Variants in MVB12B observed in about 807,000 individuals in gnomAD.
MVB12B encodes the protein multivesicular body subunit 12B.
MVB12B carries 16 observed loss-of-function variants against 41.6 expected under a neutral mutation model. The ratio of observed to expected loss-of-function variants is 0.38; its 90% CI spans 0.26 to 0.58. The LOEUF is 0.58. Ranked by LOEUF, MVB12B falls within the 20% of genes least tolerant of loss-of-function variation. The probability of loss-of-function intolerance (pLI) is 0.62; values close to 1 mark genes in which losing one functional copy is unlikely to be tolerated. For missense variants in MVB12B, 274 were observed against 380.2 expected, an observed-to-expected ratio of 0.72 and a Z score of 2.32; for synonymous variants, 133 against 139.7, an observed-to-expected ratio of 0.95 and a Z score of 0.34.
In MVB12B at chr9:126,489,676, C is replaced by T. The variant is rs545520880; in HGVS notation, c.873+5644C>T. Among the ~76,000 whole-genome samples the T allele has an allele frequency of 3.3e-5, 5 of 152,348 alleles. No individual in the cohort carries two copies. The South Asian group carries it at 6.2e-4, about 19-fold the overall frequency. ...AAACGCCGTCACCCTGCTGGCTCCC[C>T]ATGACAGAGCAGTGGCCTTCTGCCT... On this transcript the variant is annotated intron_variant, in intron 9 of 9. Coordinates refer to ENST00000361171, the MANE Select transcript of MVB12B (RefSeq NM_033446.3).
In MVB12B at chr9:126,473,197, C is replaced by T. The variant is rs993792727; in HGVS notation, c.758-8172C>T. The stretch of plus-strand genomic sequence containing the variant: ...CCTTACAGACAGGGCAAGTAAGGCT[C>T]AGAGAGGTGGGGTGGCCTGTGCAAC... On this transcript the variant is annotated intron_variant, in intron 7 of 9. Coordinates refer to ENST00000361171, the MANE Select transcript of MVB12B (RefSeq NM_033446.3). This position sits in a 1 kb window ranked among gnomAD's most constrained non-coding sequence, Gnocchi z 4.0. Among the ~76,000 whole-genome samples the T allele has an allele frequency of 4.6e-5, 7 of 152,138 alleles. No individual in the cohort carries two copies. The highest frequency in any genetic ancestry group is 8.8e-5 in the Non-Finnish European group (6 of 68,026).
In MVB12B at chr9:126,505,758, ACT is replaced by A. The variant is rs1489030035; in HGVS notation, c.*2498_*2499del. ...TCGTGCAGGAGAACTGAGGCATGAA[ACT>A]CTGGCTCAAACCTAGGAATTGAGAG... On this transcript the variant is annotated 3_prime_UTR_variant, in exon 10 of 10. Coordinates refer to ENST00000361171, the MANE Select transcript of MVB12B (RefSeq NM_033446.3). 7 of 151,570 alleles carry A rather than the reference ACT, an allele frequency of 4.6e-5. No homozygotes were observed. The highest frequency in any genetic ancestry group is 1.5e-4 in the African/African-American group (6 of 41,258). 9.4% of individuals were successfully genotyped at this position (151,570 alleles called of 1,614,324 possible).
chr9:126,439,322 G>C (rs1175018580), intron 7 of MVB12B, among the ~76,000 whole-genome samples: 1 of 152,108 alleles, frequency 6.6e-6, no homozygotes, highest in East Asian at 1.9e-4. Context: ...GGGTGGGGGC[G>C]CTGGGCGCAG....
At chr9:126,404,602 G>A (rs751838593) in intron 6 of MVB12B, among the ~76,000 whole-genome samples, 6 of 152,230 alleles carry the variant, frequency 3.9e-5, no homozygotes, top group Non-Finnish European at 8.8e-5. Context: ...TGTGGGTGGG[G>A]AACTCATCCC....
At position 126,505,270 on chromosome 9, in the gene MVB12B, C is replaced by T. The variant is rs1400201376; in HGVS notation, c.*2007C>T. The stretch of plus-strand genomic sequence containing the variant: ...GCTCAGAGGCAGTGGTGTGGGAGCC[C>T]TGTCTGCAAGGACGCAGAATAAGCA... On this transcript the variant is annotated 3_prime_UTR_variant, in exon 10 of 10. Transcript: ENST00000361171. 1 of 152,332 alleles carries T rather than the reference C, an allele frequency of 6.6e-6. No individual in the cohort carries two copies. The highest frequency in any genetic ancestry group is 1.9e-4 in the East Asian group (1 of 5,172). The allele number at this position is 152,332 out of a possible 1,614,324, so 9.4% of individuals were successfully genotyped here.
intron 7 of MVB12B, among the ~76,000 whole-genome samples, chr9:126,471,936 T>C (rs571726795): frequency 1.3e-4 from 20 of 152,064 alleles, no homozygotes; most frequent in African/African-American, 4.6e-4. Flanking sequence ...TTGACAACTT[T>C]AAGCAGATAA....
At chr9:126,334,359 T>A (rs535864960) in intron 1 of MVB12B, among the ~76,000 whole-genome samples, 1 of 152,274 alleles carries the variant, frequency 6.6e-6, no homozygotes, top group Non-Finnish European at 1.5e-5. Flanking sequence ...TGGAAGTCAT[T>A]AGCATATGGG....
rs1832357608 is a variant in MVB12B, at chr9:126,432,533, T to A, written c.757+10585T>A. On this transcript the variant is annotated intron_variant, in intron 7 of 9. Transcript: ENST00000361171. ...GCATTATTAAAATGGATTAAATTAA[T>A]TAAATGAATTTACTGAATAATACCC... Among the ~76,000 whole-genome samples, 3 of 152,264 alleles carry A rather than the reference T, an allele frequency of 2.0e-5. No individual in the cohort carries two copies. The South Asian group carries it at 6.2e-4, about 32-fold the overall frequency.
intron 9 of MVB12B, among the ~76,000 whole-genome samples, chr9:126,490,541 A>G (rs1036149123): frequency 6.6e-6 from 1 of 152,196 alleles, no homozygotes; most frequent in Non-Finnish European, 1.5e-5. Flanking sequence ...GAGTGCCACC[A>G]TCAAAACCGC....
chr9:126,397,712 G>A, intron 6 of MVB12B: 1 of 843,360 alleles, frequency 1.2e-6, no homozygotes, highest in Non-Finnish European at 1.4e-6. Context: ...TTTGGTTTTT[G>A]TGGGGTTTTT....
chr9:126,490,741 C>T (rs796412506), intron 9 of MVB12B, among the ~76,000 whole-genome samples: 5 of 152,346 alleles, frequency 3.3e-5, no homozygotes, highest in African/African-American at 1.2e-4. Flanking sequence ...TTTTTATGGG[C>T]TGCTGTTTGC....
chr9:126,492,282 AT>A (rs897237447), intron 9 of MVB12B, among the ~76,000 whole-genome samples: 3 of 151,132 alleles, frequency 2.0e-5, no homozygotes, highest in African/African-American at 7.3e-5. Flanking sequence ...TTATGCCATA[AT>A]TTATCTAACC....
Position 126,459,245 on chromosome 9 carries a change from G to C in MVB12B, c.758-22124G>C, listed in dbSNP as rs544460305. Among the ~76,000 whole-genome samples the C allele has an allele frequency of 4.5e-4, 69 of 152,350 alleles. No homozygotes were observed. The highest frequency in any genetic ancestry group is 1.6e-3 in the African/African-American group (65 of 41,582). On this transcript the variant is annotated intron_variant, in intron 7 of 9. Coordinates refer to ENST00000361171, the MANE Select transcript of MVB12B (RefSeq NM_033446.3). This position sits in a 1 kb window ranked among gnomAD's most constrained non-coding sequence, Gnocchi z 4.3. Reference sequence around the variant, plus strand: ...CAGAGTGTCACGAGCCTGGCCTGCTGAGTGGTGCCAGTGCAGGCCTCCCCT... The same window carrying C: ...CAGAGTGTCACGAGCCTGGCCTGCTCAGTGGTGCCAGTGCAGGCCTCCCCT...
chr9:126,488,149 G>A (rs527324845), intron 9 of MVB12B, among the ~76,000 whole-genome samples: 4 of 152,244 alleles, frequency 2.6e-5, no homozygotes, highest in African/African-American at 7.2e-5. Context: ...GAGCCAGAAC[G>A]ACTGGCTGTC....
chr9:126,338,541 T>TTC (rs1414266279), intron 1 of MVB12B, among the ~76,000 whole-genome samples: 4 of 151,858 alleles, frequency 2.6e-5, no homozygotes, highest in Admixed American at 6.6e-5. Flanking sequence ...TCACTTTCTT[T>TTC]TCTCTCTCTC....
At chr9:126,481,195 G>A (rs1833516480) in intron 7 of MVB12B, 174 bp from the exon 8 acceptor site, 1 of 648,374 alleles carries the variant, frequency 1.5e-6, no homozygotes. Flanking sequence ...TGTGTGTCCT[G>A]GCAGCAGGGG....
chr9:126,358,540 C>G (rs192450981), intron 2 of MVB12B, among the ~76,000 whole-genome samples: 1 of 152,262 alleles, frequency 6.6e-6, no homozygotes, highest in African/African-American at 2.4e-5. Context: ...TCTAATCTTT[C>G]AGGCATTTCA....
At chr9:126,346,033 G>A (rs936193081) in intron 2 of MVB12B, among the ~76,000 whole-genome samples, 1 of 152,224 alleles carries the variant, frequency 6.6e-6, no homozygotes, top group South Asian at 2.1e-4. Flanking sequence ...AGGATGGGCA[G>A]GTGGGTGAGA....
chr9:126,413,818 T>TTGTGTGTGTG (rs34089808), intron 6 of MVB12B, among the ~76,000 whole-genome samples: 3,739 of 109,392 alleles, frequency 0.034, 75 homozygotes, highest in Admixed American at 0.061. Context: ...ACCCCATTGG[T>TTGTGTGTGTG]TGTGTGTGTG....
Sources: allele counts gnomAD v4.1 joint callset (sites outside exome capture counted in the v4.1 genomes callset), GRCh38; gene constraint gnomAD v4.1.1; non-coding constraint Gnocchi (gnomAD v3.1); transcripts MANE v1.5; gene names NCBI Gene and HGNC (gene_info 2026-07-23, HGNC 2026-07-21).